The following RIN3 variants were observed in gnomAD, a reference collection of about 807,000 sequenced individuals.
RIN3 encodes RAB5 interacting protein 3.
In RIN3, 54 loss-of-function variants were observed where a neutral mutation model predicts 76.3. The ratio of observed to expected loss-of-function variants is 0.71; its 90% confidence interval spans 0.57 to 0.89. The LOEUF is 0.89. Ranked by LOEUF, RIN3 falls within the 40% of genes least tolerant of loss-of-function variation. The pLI is 0.00. For missense variants in RIN3, 1,256 were observed against 1,322.1 expected, an observed-to-expected ratio of 0.95 and a Z score of 0.78; for synonymous variants, 576 against 564.0, an observed-to-expected ratio of 1.02 and a Z score of -0.30.
intron 4 of RIN3, among the ~76,000 whole-genome samples, chr14:92,638,367 C>T (rs578259040): frequency 3.9e-5 from 6 of 152,014 alleles, no homozygotes; most frequent in African/African-American, 1.2e-4. Flanking sequence ...CTGTGGAGGG[C>T]GGATGTTGGG....
intron 3 of RIN3, among the ~76,000 whole-genome samples, chr14:92,603,232 T>A (rs570333851): frequency 1.3e-5 from 2 of 152,114 alleles, no homozygotes; most frequent in South Asian, 4.1e-4. Context: ...GAGGCAAAGG[T>A]GCCACCCCAG....
At chr14:92,536,509 C>A (rs1014868333) in intron 1 of RIN3, among the ~76,000 whole-genome samples, 3 of 151,942 alleles carry the variant, frequency 2.0e-5, no homozygotes, top group African/African-American at 7.3e-5. Context: ...TTTGGGAGGC[C>A]GAGTTGGGCA....
rs147329151 is a variant in RIN3, at chr14:92,651,800, C to A, written c.751C>A (p.Gln251Lys). The A allele has an allele frequency of 3.6e-4, 581 of 1,613,718 alleles. 1 individual carries two copies. Among genetic ancestry groups the A allele is most frequent in the Admixed American group, 2.2e-3 (134 of 60,012 alleles). The change falls in exon 6 of 10, where the codon CAG (glutamine) becomes AAG (lysine). Residue 251 changes from glutamine (Q) to lysine (K), a missense_variant. Physicochemically the swap from Gln to Lys is moderately conservative, Grantham distance 53. Around this residue, in one of 3 missense-constraint regions of RIN3, gnomAD observed 610 missense variants for 626.4 expected, o/e 0.97. Transcript: ENST00000216487. ...CTGCAGCAGCGCCCTGCCCACCGAC[C>A]AGCCACCTCTTGGAAATTGCCCTGC... ...EDCSSALPTD[Q>K]PPLGNCPARP...
intron 3 of RIN3, among the ~76,000 whole-genome samples, chr14:92,588,723 C>A (rs1375736920): frequency 6.6e-6 from 1 of 152,126 alleles, no homozygotes; most frequent in African/African-American, 2.4e-5. Flanking sequence ...AACATCTGGG[C>A]AATCACCTTT....
chr14:92,524,249 T>C (rs1896669318), intron 1 of RIN3, among the ~76,000 whole-genome samples: 1 of 152,168 alleles, frequency 6.6e-6, no homozygotes, highest in South Asian at 2.1e-4. Context: ...ACAATGCCTG[T>C]GTTCTTGCCG....
At chr14:92,650,048 G>A (rs373686792) in intron 5 of RIN3, among the ~76,000 whole-genome samples, 11 of 152,194 alleles carry the variant, frequency 7.2e-5, no homozygotes, top group Non-Finnish European at 1.3e-4. Context: ...CTCTTAGAGC[G>A]AGCACACGCT....
chr14:92,630,571 G>A (rs764364460), intron 4 of RIN3, among the ~76,000 whole-genome samples: 18 of 152,190 alleles, frequency 1.2e-4, no homozygotes, highest in Admixed American at 6.5e-5. Flanking sequence ...GGGGTTTGCT[G>A]GAGCAGCGAC....
At chr14:92,667,969 A>C (rs1282504708) in intron 7 of RIN3, among the ~76,000 whole-genome samples, 1 of 152,182 alleles carries the variant, frequency 6.6e-6, no homozygotes, top group Non-Finnish European at 1.5e-5. Flanking sequence ...AATGGAGTGC[A>C]GGCCCCCTAA....
intron 4 of RIN3, among the ~76,000 whole-genome samples, chr14:92,618,749 T>C (rs117632643): frequency 0.031 from 4,709 of 152,302 alleles, 93 homozygotes; most frequent in Middle Eastern, 0.068. Flanking sequence ...GGATCAAACA[T>C]TGGTTATAAA....
At chr14:92,562,798 C>G (rs1595418316) in intron 2 of RIN3, among the ~76,000 whole-genome samples, 1 of 152,142 alleles carries the variant, frequency 6.6e-6, no homozygotes, top group African/African-American at 2.4e-5. Context: ...AGCCGTCGTT[C>G]CTTTTATAGG....
At chr14:92,578,989 G>A (rs564253203) in intron 3 of RIN3, among the ~76,000 whole-genome samples, 6 of 151,694 alleles carry the variant, frequency 4.0e-5, no homozygotes, top group Admixed American at 2.0e-4. Flanking sequence ...GTACAATGGC[G>A]TGATCTTGGC....
chr14:92,599,718 C>T (rs1370328001), intron 3 of RIN3, among the ~76,000 whole-genome samples: 3 of 152,128 alleles, frequency 2.0e-5, no homozygotes, highest in Non-Finnish European at 4.4e-5. Context: ...GCAGCTGGAG[C>T]GGTGAGATGC....
intron 7 of RIN3, among the ~76,000 whole-genome samples, chr14:92,666,248 A>AG (rs1394662686): frequency 6.6e-6 from 1 of 152,216 alleles, no homozygotes; most frequent in Non-Finnish European, 1.5e-5. Context: ...CCCGCTTGAA[A>AG]GGGGAATAAA....
rs561362211 is a variant in RIN3 at position 92,614,962 on chromosome 14, G to A, written c.368-445G>A. Among the ~76,000 whole-genome samples, 1,121 of 150,358 alleles carry A rather than the reference G, an allele frequency of 7.5e-3. 16 individuals are homozygous for A. Among genetic ancestry groups the A allele is most frequent in the African/African-American group, 0.027 (1,084 of 40,860 alleles). ...GGGTTCAAGTGATTCTCCTGCCTCAGCCTCCCAAGTAGCTGGGATTACAGG... is the reference window on the plus strand; with the variant it reads ...GGGTTCAAGTGATTCTCCTGCCTCAACCTCCCAAGTAGCTGGGATTACAGG... On this transcript the variant is annotated intron_variant, in intron 3 of 9. Coordinates refer to ENST00000216487, the MANE Select transcript of RIN3 (RefSeq NM_024832.5).
At chr14:92,644,122 A>T (rs1887110923) in intron 5 of RIN3, among the ~76,000 whole-genome samples, 1 of 152,170 alleles carries the variant, frequency 6.6e-6, no homozygotes, top group Non-Finnish European at 1.5e-5. Context: ...TGCCCCAGAC[A>T]AGATTTGCAC....
chr14:92,630,405 C>T (rs555611592), intron 4 of RIN3, among the ~76,000 whole-genome samples: 2 of 152,208 alleles, frequency 1.3e-5, no homozygotes, highest in East Asian at 1.9e-4. Context: ...GGCAGGAGAA[C>T]GGCTTGAACC....
Position 92,549,913 on chromosome 14 carries a change from A to G in RIN3, c.45-5838A>G, listed in dbSNP as rs1430657809. Among the ~76,000 whole-genome samples, 3 of 152,118 alleles carry G rather than the reference A, an allele frequency of 2.0e-5. No individual in the cohort carries two copies. The East Asian group carries it at 5.8e-4, about 29-fold the overall frequency. ...TTCCAAGGCTCTAACAACACCTTTC[A>G]TTATCCAAGGTCCCCGGTTCTGCCT... On this transcript the variant is annotated intron_variant, in intron 1 of 9. Transcript: ENST00000216487.
At chr14:92,541,345 C>G (rs116019373) in intron 1 of RIN3, among the ~76,000 whole-genome samples, 191 of 152,272 alleles carry the variant, frequency 1.3e-3, no homozygotes, top group African/African-American at 4.2e-3. Flanking sequence ...GAGTATCTAG[C>G]TGTAGAGAGG....
chr14:92,536,612 G>A (rs980955261), intron 1 of RIN3, among the ~76,000 whole-genome samples: 4 of 151,914 alleles, frequency 2.6e-5, no homozygotes, highest in African/African-American at 9.7e-5. Flanking sequence ...CATGGTGGTG[G>A]GCGCCTGTAG....
Sources: gnomAD v4.1 joint callset for allele counts (sites outside exome capture counted in the v4.1 genomes callset) on GRCh38, gnomAD v4.1.1 for gene constraint, gnomAD v4.1.1 regional missense constraint, MANE v1.5 for transcripts, NCBI Gene and HGNC (gene_info 2026-07-23, HGNC 2026-07-21) for gene names.